The following SNTG1 variants were observed in gnomAD, a reference collection of about 807,000 sequenced individuals.
SNTG1 encodes the protein syntrophin gamma 1.
In SNTG1, 39 loss-of-function variants were observed where a neutral mutation model predicts 74.7. The ratio of observed to expected loss-of-function variants is 0.52; its 90% CI spans 0.40 to 0.68. SNTG1 has a LOEUF of 0.68. Among genes scored for constraint, SNTG1 ranks in the 30% least tolerant of loss-of-function variants. The pLI is 0.00. For synonymous variants in SNTG1, 254 were observed against 217.1 expected (o/e 1.17, Z -1.49); for missense variants, 685 against 609.5 (o/e 1.12, Z -1.30).
chr8:50,195,304 A>G (rs1468415197), intron 2 of SNTG1, among the ~76,000 whole-genome samples: 1 of 151,756 alleles, frequency 6.6e-6, no homozygotes, highest in Non-Finnish European at 1.5e-5. Flanking sequence ...CCCCACAAGA[A>G]CCCTGAGTCT....
At chr8:50,080,186 T>A (rs1822277626) in intron 1 of SNTG1, among the ~76,000 whole-genome samples, 1 of 152,198 alleles carries the variant, frequency 6.6e-6, no homozygotes, top group Non-Finnish European at 1.5e-5. Context: ...GTTTTTATGA[T>A]ATACAGACAC....
intron 14 of SNTG1, among the ~76,000 whole-genome samples, chr8:50,658,219 T>A (rs2095195699): frequency 6.6e-6 from 1 of 151,636 alleles, no homozygotes; most frequent in South Asian, 2.1e-4. Context: ...AATATAGCTG[T>A]GTTGAGGTCT....
chr8:50,110,356 C>A (rs1262833793), intron 1 of SNTG1, among the ~76,000 whole-genome samples: 1 of 152,158 alleles, frequency 6.6e-6, no homozygotes, highest in African/African-American at 2.4e-5. Flanking sequence ...CTGCTCATGT[C>A]TGGCTATCAG....
chr8:50,716,775 C>T (rs1225793450), intron 17 of SNTG1, among the ~76,000 whole-genome samples: 1 of 151,684 alleles, frequency 6.6e-6, no homozygotes, highest in African/African-American at 2.4e-5. Context: ...CACTGTCGCC[C>T]AGGCTGGAGT....
intron 2 of SNTG1, among the ~76,000 whole-genome samples, chr8:50,279,137 T>C (rs1453372755): frequency 1.3e-5 from 2 of 152,124 alleles, no homozygotes; most frequent in Non-Finnish European, 2.9e-5. Context: ...CAGAAAACCA[T>C]GGTCGACACC....
chr8:50,726,525 G>A (rs764907782), intron 17 of SNTG1, among the ~76,000 whole-genome samples: 1 of 152,156 alleles, frequency 6.6e-6, no homozygotes, highest in Non-Finnish European at 1.5e-5. Context: ...CTGGAACAGA[G>A]TACAGTTGAA....
intron 8 of SNTG1, among the ~76,000 whole-genome samples, chr8:50,488,492 A>G (rs2093819335): frequency 6.6e-6 from 1 of 152,128 alleles, no homozygotes; most frequent in African/African-American, 2.4e-5. Flanking sequence ...TGATCTATTT[A>G]AAATAACTCT....
intron 2 of SNTG1, among the ~76,000 whole-genome samples, chr8:50,381,450 A>C (rs1008945252): frequency 6.6e-6 from 1 of 150,990 alleles, no homozygotes; most frequent in Non-Finnish European, 1.5e-5. Flanking sequence ...CCAGAGAAAA[A>C]TAAGTTTTGT....
intron 2 of SNTG1, among the ~76,000 whole-genome samples, chr8:50,181,963 A>T (rs2083221489): frequency 6.6e-6 from 1 of 152,218 alleles, no homozygotes; most frequent in African/African-American, 2.4e-5. Flanking sequence ...AAATGTTGTG[A>T]CAGAATACAA....
At chr8:50,432,108 A>G (rs909817712) in intron 4 of SNTG1, among the ~76,000 whole-genome samples, 1 of 152,202 alleles carries the variant, frequency 6.6e-6, no homozygotes, top group Non-Finnish European at 1.5e-5. Context: ...ACCAAAAATC[A>G]CATGGGTTTT....
chr8:50,428,703 A>G (rs1262343584), intron 4 of SNTG1, among the ~76,000 whole-genome samples: 1 of 152,160 alleles, frequency 6.6e-6, no homozygotes, highest in Non-Finnish European at 1.5e-5. Context: ...AATGAATCAA[A>G]GGGAATGAAG....
chr8:50,386,646 T>TC (rs2092579123), intron 2 of SNTG1, among the ~76,000 whole-genome samples: 1 of 151,998 alleles, frequency 6.6e-6, no homozygotes, highest in South Asian at 2.1e-4. Context: ...TATGCTGAGG[T>TC]CCCAGGAAGC....
intron 1 of SNTG1, among the ~76,000 whole-genome samples, chr8:49,971,212 A>G (rs544670100): frequency 6.6e-6 from 1 of 152,370 alleles, no homozygotes; most frequent in South Asian, 2.1e-4. Flanking sequence ...AGGCTGGTTC[A>G]ACATATGCCA....
intron 1 of SNTG1, among the ~76,000 whole-genome samples, chr8:49,957,693 TC>T (rs930041776): frequency 7.2e-5 from 11 of 152,308 alleles, no homozygotes; most frequent in African/African-American, 2.6e-4. Context: ...ATGCTTACCT[TC>T]CCCTTTGCCC....
At chr8:50,017,272 A>G (rs1385945763) in intron 1 of SNTG1, among the ~76,000 whole-genome samples, 1 of 152,096 alleles carries the variant, frequency 6.6e-6, no homozygotes, top group East Asian at 1.9e-4. Context: ...TTAACAAAAA[A>G]TATAGAAAGA....
At chr8:50,722,376 A>G (rs1426602167) in intron 17 of SNTG1, among the ~76,000 whole-genome samples, 2 of 151,934 alleles carry the variant, frequency 1.3e-5, no homozygotes, top group Admixed American at 6.6e-5. Context: ...GGTTTTTACC[A>G]TGTTGGCCAG....
At chr8:50,560,898 A>G (rs1585688377) in intron 12 of SNTG1, among the ~76,000 whole-genome samples, 1 of 152,334 alleles carries the variant, frequency 6.6e-6, no homozygotes, top group Middle Eastern at 3.4e-3. Flanking sequence ...AAAGAAGGAA[A>G]ACAAATAAAT....
intron 18 of SNTG1, among the ~76,000 whole-genome samples, chr8:50,792,128 G>A (rs1044569236): frequency 6.6e-6 from 1 of 150,406 alleles, no homozygotes; most frequent in Admixed American, 6.7e-5. Flanking sequence ...TAAACAGCCA[G>A]CCACAATTAA....
intron 15 of SNTG1, among the ~76,000 whole-genome samples, chr8:50,681,234 T>A (rs985558786): frequency 6.6e-6 from 1 of 151,656 alleles, no homozygotes; most frequent in African/African-American, 2.4e-5. Context: ...TACATGCTTA[T>A]GTTTTTTTGA....
Sources: allele counts gnomAD v4.1 joint callset (sites outside exome capture counted in the v4.1 genomes callset), GRCh38; gene constraint gnomAD v4.1.1; transcripts MANE v1.5; gene names NCBI Gene and HGNC (gene_info 2026-07-23, HGNC 2026-07-21).